The following AFG2B variants were observed in gnomAD, a reference collection of about 807,000 sequenced individuals.
The protein encoded by AFG2B is AAA ATPase AFG2B, also known as ATPase family gene 2 protein homolog B.
At chr15:45,411,310 CATCTCT>C in the AFG2B span, among the ~76,000 whole-genome samples, 1 of 152,116 alleles carries the variant, frequency 6.6e-6, no homozygotes. Flanking sequence ...TAAGACTCCC[CATCTCT>C]ATTTAAAAAA....
the AFG2B span, among the ~76,000 whole-genome samples, chr15:45,410,716 T>C: frequency 3.3e-5 from 5 of 152,328 alleles, no homozygotes; most frequent in African/African-American, 1.2e-4. Flanking sequence ...AAACTGGTTT[T>C]TATAATTTCC....
the AFG2B span, among the ~76,000 whole-genome samples, chr15:45,408,493 T>A: frequency 6.6e-6 from 1 of 152,202 alleles, no homozygotes; most frequent in Non-Finnish European, 1.5e-5. Context: ...TAATGTCTAT[T>A]TCCTAAGAAC....
At chr15:45,408,588 A>G in the AFG2B span, among the ~76,000 whole-genome samples, 18 of 152,332 alleles carry the variant, frequency 1.2e-4, no homozygotes, top group Admixed American at 3.3e-4. Context: ...CAGAGTGTAC[A>G]TTGGTTCCTC....
chr15:45,405,479 A>G, the AFG2B span: 1 of 1,613,750 alleles, frequency 6.2e-7, no homozygotes, highest in Non-Finnish European at 8.5e-7. Flanking sequence ...GGAGGCTGCC[A>G]TGCATGCCCT....
the AFG2B span, among the ~76,000 whole-genome samples, chr15:45,420,168 G>A: frequency 1.3e-5 from 2 of 152,152 alleles, no homozygotes; most frequent in Non-Finnish European, 2.9e-5. Context: ...ATAGTTTTGT[G>A]TGTAGCATAG....
chr15:45,417,588 A>G, the AFG2B span: 2 of 541,960 alleles, frequency 3.7e-6, no homozygotes, highest in Non-Finnish European at 6.4e-6. Flanking sequence ...ACATAAGCCT[A>G]AATATATGGT....
At chr15:45,402,828 G>A in the AFG2B span, 2 of 1,597,888 alleles carry the variant, frequency 1.3e-6, no homozygotes, top group Non-Finnish European at 1.7e-6. Context: ...CGGTGCTGGA[G>A]GCGGCACAGG....
chr15:45,402,647 A>C, the AFG2B span: 1 of 1,579,232 alleles, frequency 6.3e-7, no homozygotes, highest in Non-Finnish European at 8.6e-7. Context: ...GGCTTTGTGC[A>C]GCTGGACCCG....
the AFG2B span, chr15:45,402,561 C>T: frequency 4.4e-6 from 7 of 1,583,622 alleles, no homozygotes; most frequent in Non-Finnish European, 6.0e-6. Flanking sequence ...CGCGCTTGGG[C>T]TCGGCAGTGA....
chr15:45,403,171 A>C, the AFG2B span: 3 of 1,464,088 alleles, frequency 2.0e-6, no homozygotes, highest in Non-Finnish European at 2.7e-6. Context: ...AGTGGGCAAG[A>C]CCCAGCTGGT....
At chr15:45,415,491 G>A in the AFG2B span, 3 of 960,004 alleles carry the variant, frequency 3.1e-6, no homozygotes, top group South Asian at 3.4e-5. Flanking sequence ...GAGCAAGACT[G>A]TCTCAAAAAA....
the AFG2B span, chr15:45,414,644 T>C: frequency 6.2e-7 from 1 of 1,614,174 alleles, no homozygotes; most frequent in Non-Finnish European, 8.5e-7. Flanking sequence ...GGAGTTCTCC[T>C]CTATGGGCCC....
the AFG2B span, chr15:45,402,535 C>T: frequency 1.9e-6 from 3 of 1,597,444 alleles, no homozygotes; most frequent in African/African-American, 4.0e-5. Flanking sequence ...CCCGGCCGCC[C>T]TCCACGCCCT....
chr15:45,408,971 C>T, the AFG2B span, among the ~76,000 whole-genome samples: 1 of 152,226 alleles, frequency 6.6e-6, no homozygotes, highest in Non-Finnish European at 1.5e-5. Flanking sequence ...GCAAGACGGG[C>T]GATTTTTTTA....
At chr15:45,403,633 T>C in the AFG2B span, 1 of 698,748 alleles carries the variant, frequency 1.4e-6, no homozygotes, top group African/African-American at 3.1e-5. Flanking sequence ...GAGGTTGGAG[T>C]TGGGGCTCTT....
At chr15:45,410,131 T>C in the AFG2B span, among the ~76,000 whole-genome samples, 5 of 152,228 alleles carry the variant, frequency 3.3e-5, no homozygotes, top group Non-Finnish European at 7.3e-5. Context: ...GATATATGTA[T>C]GCTTACTAGC....
chr15:45,405,516 TTAATTTATGAACATC>T, the AFG2B span: 2 of 1,607,786 alleles, frequency 1.2e-6, no homozygotes, highest in Non-Finnish European at 8.5e-7. Flanking sequence ...GTAAGAAGTG[TTAATTTATGAACATC>T]TATGTTAATC....
the AFG2B span, among the ~76,000 whole-genome samples, chr15:45,414,312 A>C: frequency 6.6e-6 from 1 of 152,296 alleles, no homozygotes; most frequent in East Asian, 1.9e-4. Context: ...GTCAGATTAT[A>C]TAAGGCCTTG....
the AFG2B span, chr15:45,417,336 T>C: frequency 6.2e-7 from 1 of 1,614,150 alleles, no homozygotes; most frequent in East Asian, 2.2e-5. Context: ...ATGTGTTAGA[T>C]ACTGCTTTGT....
Sources: allele counts gnomAD v4.1 joint callset (sites outside exome capture counted in the v4.1 genomes callset), GRCh38; gene constraint gnomAD v4.1.1; transcripts MANE v1.5; gene names NCBI Gene and HGNC (gene_info 2026-07-23, HGNC 2026-07-21).